Variants in RNFT2 observed in about 807,000 individuals in gnomAD.
RNFT2 encodes the protein ring finger protein, transmembrane 2.
Under a neutral mutation model 53.0 loss-of-function variants are expected in RNFT2, and 36 were observed. The observed-to-expected ratio is 0.68, with a 90% CI of 0.52 to 0.90. The LOEUF is 0.90. Ranked by LOEUF, RNFT2 falls within the 40% of genes least tolerant of loss-of-function variation. The pLI is 0.00. For missense variants in RNFT2, 514 were observed against 585.6 expected, an observed-to-expected ratio of 0.88 and a Z score of 1.26; for synonymous variants, 260 against 253.2, an observed-to-expected ratio of 1.03 and a Z score of -0.26.
chr12:116,769,141 C>A (rs1357462384), intron 6 of RNFT2, among the ~76,000 whole-genome samples: 3 of 151,934 alleles, frequency 2.0e-5, no homozygotes, highest in African/African-American at 7.2e-5. Context: ...GGGCAGATCA[C>A]GAGGTCAGGA....
At position 116,809,141 on chromosome 12, in the gene RNFT2, C is replaced by G. The variant is rs561320441; in HGVS notation, c.883-24651C>G. ...GCTGGAGCCATCCAGTGCCCTCCCC[C>G]AGGAACTGAAGAACACAGAGGCTGG... is the stretch of plus-strand genomic sequence containing the variant. On this transcript the variant is annotated intron_variant, in intron 7 of 10. Coordinates refer to ENST00000257575, the MANE Select transcript of RNFT2 (RefSeq NM_001382266.1). Among the ~76,000 whole-genome samples the G allele has an allele frequency of 3.3e-5, 5 of 152,322 alleles. No individual in the cohort carries two copies. In the East Asian group the frequency reaches 5.8e-4, roughly 18 times the overall value.
At chr12:116,829,814 C>T (rs555936323) in intron 7 of RNFT2, among the ~76,000 whole-genome samples, 1 of 152,258 alleles carries the variant, frequency 6.6e-6, no homozygotes, top group African/African-American at 2.4e-5. Context: ...CTCCTGGCCT[C>T]AAGAGATCTG....
chr12:116,832,138 A>ATATATATATATATATAT (rs1479850265), intron 7 of RNFT2, among the ~76,000 whole-genome samples: 1 of 60,080 alleles, frequency 1.7e-5, no homozygotes, highest in African/African-American at 5.8e-5. Context: ...CTCAAAAAAA[A>ATATATATATATATATAT]AAAAAAAAAA....
intron 10 of RNFT2, among the ~76,000 whole-genome samples, chr12:116,841,848 TATATATAA>T (rs1877305656): frequency 8.3e-5 from 2 of 24,124 alleles, no homozygotes; most frequent in Non-Finnish European, 1.9e-4. Context: ...TATATATAAA[TATATATAA>T]AAATATATAT....
At position 116,740,168 on chromosome 12, in the gene RNFT2, C is replaced by T. The variant is rs529910439; in HGVS notation, c.-153-177C>T. 3.1e-3 allele frequency among the ~76,000 whole-genome samples: 466 copies of T among 151,234 alleles called. 3 individuals carry two copies. Among genetic ancestry groups the T allele is most frequent in the Non-Finnish European group, 4.9e-3 (332 of 67,860 alleles). On this transcript the variant is annotated intron_variant, in intron 1 of 10. Transcript: ENST00000257575. ...GGCAGAGGTTGCAGTGAGCCAAGAT[C>T]GCACCACTCCGTCTTAAAAAAAAAA...
rs2137230732 is a variant in RNFT2, at chr12:116,849,976, TG to T, written c.*531del. The T allele has an allele frequency of 6.6e-6, 1 of 151,914 alleles. No homozygotes were observed. Among genetic ancestry groups the T allele is most frequent in the South Asian group, 2.1e-4 (1 of 4,776 alleles). 9.4% of individuals were successfully genotyped at this position (151,914 alleles called of 1,614,324 possible). A position where few individuals can be genotyped will look rare whatever the true frequency, so the allele number is the denominator to read the frequency against. Reference sequence around the variant, plus strand: ...CTCCTGCCTCAGCCTCCCGAGTAGCTGGGATTACAGGCACCCACCAACACAC... The same window carrying T: ...CTCCTGCCTCAGCCTCCCGAGTAGCTGGATTACAGGCACCCACCAACACAC... On this transcript the variant is annotated 3_prime_UTR_variant, in exon 11 of 11. Transcript: ENST00000257575.
intron 5 of RNFT2, among the ~76,000 whole-genome samples, chr12:116,756,766 CAAGG>C (rs1467418333): frequency 2.0e-5 from 3 of 152,150 alleles, no homozygotes; most frequent in Non-Finnish European, 4.4e-5. Context: ...CTATGTTCAT[CAAGG>C]ATATCCATCT....
At chr12:116,849,127 G>A (rs1444710747) in intron 10 of RNFT2, among the ~76,000 whole-genome samples, 187 bp from the exon 11 acceptor site, 1 of 152,056 alleles carries the variant, frequency 6.6e-6, no homozygotes, top group African/African-American at 2.4e-5. Context: ...CCCCTCCCCT[G>A]CTGTTTCATC....
At chr12:116,842,648 A>G (rs1463493624) in intron 10 of RNFT2, among the ~76,000 whole-genome samples, 6 of 152,134 alleles carry the variant, frequency 3.9e-5, no homozygotes. Context: ...GTCTTGGCTC[A>G]CTGCAACCTC....
At chr12:116,816,101 C>G (rs1364108756) in intron 7 of RNFT2, among the ~76,000 whole-genome samples, 2 of 152,186 alleles carry the variant, frequency 1.3e-5, no homozygotes, top group Non-Finnish European at 2.9e-5. Flanking sequence ...CACCTGGGAC[C>G]AGGACAGAGG....
chr12:116,825,002 C>T (rs1876248831), intron 7 of RNFT2, among the ~76,000 whole-genome samples: 1 of 152,186 alleles, frequency 6.6e-6, no homozygotes, highest in Non-Finnish European at 1.5e-5. Context: ...TCAGTCAGGA[C>T]ACACCGGGTA....
In RNFT2 at chr12:116,852,784, A is replaced by T. The variant is rs756650185; in HGVS notation, c.*3336A>T. ...AAACTCTTTATTACTTTGGGAAGTCACTCAGCCTCCCTGTAGCCATCTCCA... is the reference window on the plus strand; with the variant it reads ...AAACTCTTTATTACTTTGGGAAGTCTCTCAGCCTCCCTGTAGCCATCTCCA... On this transcript the variant is annotated 3_prime_UTR_variant, in exon 11 of 11. Coordinates refer to ENST00000257575, the MANE Select transcript of RNFT2 (RefSeq NM_001382266.1). The T allele has an allele frequency of 7.3e-6, 11 of 1,512,172 alleles. No homozygotes were observed. The highest frequency in any genetic ancestry group is 1.7e-5 in the Admixed American group (1 of 59,760). 93.7% of individuals were successfully genotyped at this position (1,512,172 alleles called of 1,614,324 possible).
Position 116,841,844 on chromosome 12 carries a change from T to TAA in RNFT2, c.1200+5564_1200+5565dup, listed in dbSNP as rs1177754738. On this transcript the variant is annotated intron_variant, in intron 10 of 10. Transcript: ENST00000257575. Reference sequence around the variant, plus strand: ...AAATATATATATATAAATATATATATAAATATATATAAAAATATATATATA... The same window carrying TAA: ...AAATATATATATATAAATATATATATAAAAATATATATAAAAATATATATATA... 1.6e-3 allele frequency among the ~76,000 whole-genome samples: 43 copies of TAA among 26,952 alleles called. 1 individual carries two copies. Among genetic ancestry groups the TAA allele is most frequent in the African/African-American group, 3.4e-3 (32 of 9,330 alleles). The allele number at this position is 26,952 out of a possible 152,430, so 17.7% of individuals were successfully genotyped here.
chr12:116,773,070 A>G (rs1350491600), intron 6 of RNFT2, among the ~76,000 whole-genome samples: 1 of 152,028 alleles, frequency 6.6e-6, no homozygotes, highest in Non-Finnish European at 1.5e-5. Flanking sequence ...CTTGTGATCC[A>G]CCTGCCTCGG....
chr12:116,813,635 A>C (rs1875495756), intron 7 of RNFT2, among the ~76,000 whole-genome samples: 1 of 152,244 alleles, frequency 6.6e-6, no homozygotes, highest in African/African-American at 2.4e-5. Context: ...AAGAACAGAG[A>C]TCAAGTCTCT....
At chr12:116,795,957 G>A (rs2137142448) in intron 7 of RNFT2, among the ~76,000 whole-genome samples, 1 of 151,936 alleles carries the variant, frequency 6.6e-6, no homozygotes. Flanking sequence ...CACCCAGGCT[G>A]GAGTGCAGTG....
intron 5 of RNFT2, among the ~76,000 whole-genome samples, chr12:116,758,359 A>G (rs966426213): frequency 2.6e-5 from 4 of 152,160 alleles, no homozygotes; most frequent in African/African-American, 9.7e-5. Flanking sequence ...TGCATTCATC[A>G]TGCTCTTTGT....
At chr12:116,841,847 A>ATATATATATATT (rs1877305517) in intron 10 of RNFT2, among the ~76,000 whole-genome samples, 1 of 22,650 alleles carries the variant, frequency 4.4e-5, no homozygotes, top group African/African-American at 1.7e-4. Flanking sequence ...ATATATATAA[A>ATATATATATATT]TATATATAAA....
intron 7 of RNFT2, among the ~76,000 whole-genome samples, chr12:116,829,590 C>T (rs1191042367): frequency 1.3e-5 from 2 of 152,124 alleles, no homozygotes; most frequent in Non-Finnish European, 2.9e-5. Flanking sequence ...GTGACATGTG[C>T]CCAGCCCATC....
Sources: gnomAD v4.1 joint callset for allele counts (sites outside exome capture counted in the v4.1 genomes callset) on GRCh38, gnomAD v4.1.1 for gene constraint, MANE v1.5 for transcripts, NCBI Gene and HGNC (gene_info 2026-07-23, HGNC 2026-07-21) for gene names.